The following PPFIA2 variants were observed in gnomAD, a reference collection of about 807,000 sequenced individuals.
PPFIA2 encodes the protein liprin-alpha-2.
In PPFIA2, 46 loss-of-function variants were observed where a neutral mutation model predicts 175.5. The ratio of observed to expected loss-of-function variants is 0.26; its 90% CI spans 0.21 to 0.34. The LOEUF (loss-of-function observed/expected upper bound fraction) is 0.34. PPFIA2 is among the 10% of genes least tolerant of loss of function. The probability of loss-of-function intolerance (pLI) is 1.00; values close to 1 mark genes in which losing one functional copy is unlikely to be tolerated. For synonymous variants in PPFIA2, 568 were observed against 511.4 expected (o/e 1.11, Z -1.49); for missense variants, 1,179 against 1,506.1 (o/e 0.78, Z 3.60).
chr12:81,577,022 A>G (rs1012996213), intron 4 of PPFIA2, among the ~76,000 whole-genome samples: 2 of 151,852 alleles, frequency 1.3e-5, no homozygotes, highest in African/African-American at 4.8e-5. Context: ...TAGAGATAAG[A>G]AAATAAATGT....
At chr12:81,363,426 T>C (rs1185957664) in intron 14 of PPFIA2, among the ~76,000 whole-genome samples, 1 of 151,654 alleles carries the variant, frequency 6.6e-6, no homozygotes, top group African/African-American at 2.4e-5. Context: ...TTTTCTCAAA[T>C]TGGCATTTTC....
chr12:81,412,335 CAAAA>C (rs35342063), intron 7 of PPFIA2, among the ~76,000 whole-genome samples: 14 of 96,164 alleles, frequency 1.5e-4, no homozygotes, highest in South Asian at 3.6e-4. Context: ...GTTAAGGAGG[CAAAA>C]AAAAAAAAAA....
rs569293128 is a variant in PPFIA2 at position 81,730,095 on chromosome 12, C to A, written c.249+23878G>T. On this transcript the variant is annotated intron_variant, in intron 3 of 32. Coordinates refer to ENST00000549396, the MANE Select transcript of PPFIA2 (RefSeq NM_003625.5). ...ATTGTGAGATAATAAATGTGTTAAG[C>A]CACTAAATTTGTGATCACGTGTTAC... 2.4e-4 allele frequency among the ~76,000 whole-genome samples: 36 copies of A among 151,678 alleles called. 1 individual carries two copies. Among genetic ancestry groups the A allele is most frequent in the Middle Eastern group, 3.4e-3 (1 of 294 alleles).
In PPFIA2 at chr12:81,529,268, A is replaced by G. The variant is rs1594540359; in HGVS notation, c.304-71402T>C. ...TACATAAAGATATAAGCCATGAAGT[A>G]TAAAAACAAAGTCATCATAGATTTC... On this transcript the variant is annotated intron_variant, in intron 4 of 32. Transcript: ENST00000549396. Among the ~76,000 whole-genome samples, 5 of 152,218 alleles carry G rather than the reference A, an allele frequency of 3.3e-5. 1 individual carries two copies. In the Middle Eastern group the frequency reaches 0.014, roughly 414 times the overall value.
chr12:81,663,836 C>G (rs922803501), intron 4 of PPFIA2, among the ~76,000 whole-genome samples: 4 of 152,134 alleles, frequency 2.6e-5, no homozygotes, highest in Non-Finnish European at 5.9e-5. Context: ...GGTACCAAAA[C>G]AGAGATATAG....
chr12:81,312,407 T>C (rs2051157056), intron 22 of PPFIA2: 1 of 524,974 alleles, frequency 1.9e-6, no homozygotes, highest in African/African-American at 1.9e-5. Context: ...AGTCTATGTC[T>C]TGAGTATGAG....
intron 3 of PPFIA2, among the ~76,000 whole-genome samples, chr12:81,700,142 C>CAT (rs2076330825): frequency 1.3e-5 from 2 of 152,070 alleles, no homozygotes; most frequent in East Asian, 3.9e-4. Flanking sequence ...AATCCTTGAC[C>CAT]ATATATCTTC....
intron 4 of PPFIA2, among the ~76,000 whole-genome samples, chr12:81,669,068 T>C (rs978864856): frequency 1.3e-5 from 2 of 152,010 alleles, no homozygotes; most frequent in African/African-American, 4.8e-5. Context: ...TGTTAAACAA[T>C]GTAACTAAGA....
Position 81,618,795 on chromosome 12 carries a change from G to A in PPFIA2, c.303+57996C>T, listed in dbSNP as rs933651082. ...GATCCACCCGCCTCGGCCTCCCAAA[G>A]TGCTGGGATTACAGGCGTGAGCCAC... On this transcript the variant is annotated intron_variant, in intron 4 of 32. Transcript: ENST00000549396. 5.9e-5 allele frequency among the ~76,000 whole-genome samples: 9 copies of A among 151,322 alleles called. 1 individual carries two copies. Among genetic ancestry groups the A allele is most frequent in the African/African-American group, 1.9e-4 (8 of 41,236 alleles).
intron 1 of PPFIA2, chr12:81,758,716 GA>G (rs1015804204): frequency 2.2e-5 from 4 of 180,660 alleles, no homozygotes; most frequent in African/African-American, 7.1e-5. Context: ...CAAAGGAGGA[GA>G]GGGGGAGGCG....
chr12:81,729,150 A>G (rs2080492866), intron 3 of PPFIA2, among the ~76,000 whole-genome samples: 2 of 151,524 alleles, frequency 1.3e-5, no homozygotes, highest in African/African-American at 4.8e-5. Context: ...AGGAAGAGAA[A>G]CAAAAGATCT....
chr12:81,728,503 C>T (rs2080397790), intron 3 of PPFIA2, among the ~76,000 whole-genome samples: 1 of 151,332 alleles, frequency 6.6e-6, no homozygotes, highest in African/African-American at 2.4e-5. Context: ...AAAATTAGTA[C>T]AACTATACTT....
intron 4 of PPFIA2, among the ~76,000 whole-genome samples, chr12:81,499,688 A>C (rs182811075): frequency 5.2e-4 from 79 of 152,208 alleles, no homozygotes; most frequent in Non-Finnish European, 7.6e-4. Context: ...AAAATTCTTC[A>C]AGGTTAGCTG....
At chr12:81,647,908 A>G (rs1157921075) in intron 4 of PPFIA2, among the ~76,000 whole-genome samples, 1 of 145,064 alleles carries the variant, frequency 6.9e-6, no homozygotes, top group African/African-American at 2.5e-5. Flanking sequence ...GACATCATCA[A>G]GAGAAAAAGA....
intron 28 of PPFIA2, among the ~76,000 whole-genome samples, chr12:81,272,373 A>G (rs2039368482): frequency 6.6e-6 from 1 of 152,032 alleles, no homozygotes; most frequent in African/African-American, 2.4e-5. Flanking sequence ...GATGTTTTAT[A>G]TCATTCGTCC....
intron 9 of PPFIA2, among the ~76,000 whole-genome samples, chr12:81,382,895 G>A (rs1290829236): frequency 1.3e-5 from 2 of 152,092 alleles, no homozygotes; most frequent in African/African-American, 2.4e-5. Context: ...ATAAAGGTAG[G>A]TAGAGAAGGG....
chr12:81,546,749 C>T (rs958299212), intron 4 of PPFIA2, among the ~76,000 whole-genome samples: 2 of 150,826 alleles, frequency 1.3e-5, no homozygotes, highest in African/African-American at 4.9e-5. Flanking sequence ...TTTAACATTT[C>T]AGAGAAACTG....
intron 24 of PPFIA2, among the ~76,000 whole-genome samples, chr12:81,293,465 C>G (rs978369243): frequency 5.9e-5 from 9 of 151,524 alleles, no homozygotes; most frequent in African/African-American, 2.2e-4. Flanking sequence ...CACATAATTT[C>G]ATAATTACAG....
rs184660589 is a variant in PPFIA2, at chr12:81,291,969, C to A, written c.2925+2866G>T. On this transcript the variant is annotated intron_variant, in intron 24 of 32. Coordinates refer to ENST00000549396, the MANE Select transcript of PPFIA2 (RefSeq NM_003625.5). ...AGATCATAAAGCTTTCTTTACTTCT[C>A]CCCATTCTTTAAACAATTGAATGTT... Among the ~76,000 whole-genome samples, 3 of 152,122 alleles carry A rather than the reference C, an allele frequency of 2.0e-5. No individual in the cohort carries two copies. The East Asian group carries it at 5.8e-4, about 29-fold the overall frequency.
Sources: allele counts gnomAD v4.1 joint callset (sites outside exome capture counted in the v4.1 genomes callset), GRCh38; gene constraint gnomAD v4.1.1; transcripts MANE v1.5; gene names NCBI Gene and HGNC (gene_info 2026-07-23, HGNC 2026-07-21).